Variants in LONRF1 observed in about 807,000 individuals in gnomAD.
LONRF1 encodes the protein LON peptidase N-terminal domain and RING finger protein 1.
In LONRF1, 37 loss-of-function variants were observed where a neutral mutation model predicts 85.8. The observed-to-expected ratio is 0.43, with a 90% CI of 0.33 to 0.57. The LOEUF (loss-of-function observed/expected upper bound fraction) is 0.57, where lower values mean the gene tolerates loss of function less well. LONRF1 is among the 20% of genes least tolerant of loss of function. The pLI is 0.04. For synonymous variants in LONRF1, 517 were observed against 390.1 expected, an observed-to-expected ratio of 1.33 and a Z score of -3.83; for missense variants, 1,036 against 978.0, an observed-to-expected ratio of 1.06 and a Z score of -0.79.
At chr8:12,740,596 C>T (rs374727870) in intron 3 of LONRF1, among the ~76,000 whole-genome samples, 2 of 152,122 alleles carry the variant, frequency 1.3e-5, no homozygotes, top group African/African-American at 2.4e-5. Context: ...GATAGTAATG[C>T]TTAATTAAGG....
intron 1 of LONRF1, chr8:12,754,454 G>A (rs1031242358): frequency 1.9e-5 from 7 of 360,038 alleles, no homozygotes; most frequent in South Asian, 1.4e-4. Flanking sequence ...AGGGAACCCC[G>A]CGCCGAGCGC....
chr8:12,753,285 T>A (rs192510246), intron 1 of LONRF1: 2 of 152,224 alleles, frequency 1.3e-5, no homozygotes, highest in African/African-American at 4.8e-5. Flanking sequence ...GACTAAGCAC[T>A]TGGGACAAAA....
intron 1 of LONRF1, chr8:12,754,404 C>CCGCGCCGGGAGCG (rs896668062): frequency 3.7e-6 from 1 of 268,702 alleles, no homozygotes; most frequent in Non-Finnish European, 6.9e-6. Context: ...GTCACCCACT[C>CCGCGCCGGGAGCG]CGCGCCGGGA....
intron 7 of LONRF1, among the ~76,000 whole-genome samples, chr8:12,733,856 A>G (rs1243800806): frequency 6.6e-6 from 1 of 152,232 alleles, no homozygotes; most frequent in Non-Finnish European, 1.5e-5. Context: ...AAGTATATGT[A>G]TTTTGAATTT....
At position 12,735,339 on chromosome 8, in the gene LONRF1, G is replaced by A; in HGVS notation, c.1513C>T (p.Arg505Cys). The change falls in exon 7 of 12, where the codon CGT becomes TGT. Residue 505 changes from arginine (R) to cysteine (C), a missense_variant. Coordinates refer to ENST00000398246, the MANE Select transcript of LONRF1 (RefSeq NM_152271.5). ...CAATATGGTGCATGATCTAAACAAC[G>A]CTCAAGACAATTCTTACAGAACGAA... ...GHSFCKNCLE[R>C]CLDHAPYCPL... 1 of 1,608,374 alleles carries A rather than the reference G, an allele frequency of 6.2e-7. No homozygotes were observed. The highest frequency in any genetic ancestry group is 8.5e-7 in the Non-Finnish European group (1 of 1,176,794).
At chr8:12,741,051 A>G (rs1275203560) in intron 2 of LONRF1, 55 bp from the exon 3 acceptor site, 3 of 1,589,266 alleles carry the variant, frequency 1.9e-6, no homozygotes, top group African/African-American at 2.7e-5. Context: ...TTTTTAAAAA[A>G]TCATTATCAA....
In LONRF1 at chr8:12,755,421, G is replaced by C; in HGVS notation, c.-1C>G. ...TCCTCGCCACCGCCGGAGAGGACAT[G>C]GCCCGCGGAGGGCTGCGCCGCCGCC... is the stretch of plus-strand genomic sequence containing the variant. On this transcript the variant is annotated 5_prime_UTR_variant, in exon 1 of 12. Transcript: ENST00000398246. 1.7e-6 allele frequency: 2 copies of C among 1,143,854 alleles called. No homozygotes were observed. The highest frequency in any genetic ancestry group is 2.1e-6 in the Non-Finnish European group (2 of 932,446). 70.9% of individuals were successfully genotyped at this position (1,143,854 alleles called of 1,614,324 possible).
intron 3 of LONRF1, among the ~76,000 whole-genome samples, 184 bp downstream of exon 3, chr8:12,740,690 G>A (rs576838273): frequency 9.9e-5 from 15 of 152,222 alleles, no homozygotes; most frequent in African/African-American, 3.4e-4. Flanking sequence ...GAAATGTTTC[G>A]ATTTCACTAA....
intron 2 of LONRF1, 117 bp from the exon 3 acceptor site, chr8:12,741,113 G>T: frequency 1.9e-6 from 2 of 1,076,302 alleles, no homozygotes; most frequent in Non-Finnish European, 2.7e-6. Flanking sequence ...GCCGGGTGCA[G>T]TAGCTCACGC....
At chr8:12,733,691 A>C (rs1415241700) in intron 7 of LONRF1, among the ~76,000 whole-genome samples, 1 of 152,118 alleles carries the variant, frequency 6.6e-6, no homozygotes, top group African/African-American at 2.4e-5. Context: ...AGAACAAGAA[A>C]CCTTATATAT....
intron 4 of LONRF1, among the ~76,000 whole-genome samples, chr8:12,737,686 G>C (rs1798773595): frequency 6.6e-6 from 1 of 152,074 alleles, no homozygotes; most frequent in Non-Finnish European, 1.5e-5. Flanking sequence ...GTTATAATGA[G>C]GTTTAAAAGT....
intron 1 of LONRF1, among the ~76,000 whole-genome samples, chr8:12,749,369 A>G (rs1212845510): frequency 6.6e-6 from 1 of 152,178 alleles, no homozygotes; most frequent in Non-Finnish European, 1.5e-5. Flanking sequence ...AAAAAACCAA[A>G]CAGAAGCTTC....
intron 1 of LONRF1, among the ~76,000 whole-genome samples, chr8:12,747,001 T>G (rs1202044619): frequency 6.6e-6 from 1 of 152,250 alleles, no homozygotes; most frequent in Non-Finnish European, 1.5e-5. Flanking sequence ...TTTATTAAAG[T>G]AATTTAATTC....
intron 11 of LONRF1, among the ~76,000 whole-genome samples, chr8:12,723,733 C>T (rs577122862): frequency 6.6e-6 from 1 of 152,326 alleles, no homozygotes; most frequent in South Asian, 2.1e-4. Flanking sequence ...GGGCAACATG[C>T]CCCTAGTTGA....
intron 6 of LONRF1, 26 bp from the exon 7 acceptor site, chr8:12,735,426 G>A (rs761131486): frequency 2.9e-5 from 41 of 1,412,300 alleles, no homozygotes; most frequent in Non-Finnish European, 4.1e-5. Flanking sequence ...ATACATGTTA[G>A]TTTTCACATT....
rs142730221 is a variant in LONRF1, at chr8:12,730,887, A to G, written c.1688+849T>C. The stretch of plus-strand genomic sequence containing the variant: ...TAGAAAGTGACATACAAAATGTTCA[A>G]TTTATATTTTGAAAATCAATGGAAA... On this transcript the variant is annotated intron_variant, in intron 8 of 11. Transcript: ENST00000398246. Among the ~76,000 whole-genome samples the G allele has an allele frequency of 5.3e-5, 8 of 152,352 alleles. No homozygotes were observed. The East Asian group carries it at 1.5e-3, about 29-fold the overall frequency.
chr8:12,731,665 G>A (rs944471272), intron 8 of LONRF1, 71 bp downstream of exon 8: 19 of 1,312,178 alleles, frequency 1.4e-5, no homozygotes, highest in Non-Finnish European at 2.0e-5. Context: ...ACAGGATCCA[G>A]CTTGCGGTGA....
At chr8:12,724,330 C>A (rs1250685003) in intron 11 of LONRF1, among the ~76,000 whole-genome samples, 1 of 152,208 alleles carries the variant, frequency 6.6e-6, no homozygotes, top group Non-Finnish European at 1.5e-5. Flanking sequence ...CCTTTCTCCA[C>A]TGCTGTAGAC....
chr8:12,733,671 T>C (rs940234763), intron 7 of LONRF1, among the ~76,000 whole-genome samples: 1 of 152,028 alleles, frequency 6.6e-6, no homozygotes, highest in African/African-American at 2.4e-5. Context: ...AAGCATAGTA[T>C]ATAAAAAAGA....
Sources: gnomAD v4.1 joint callset for allele counts (sites outside exome capture counted in the v4.1 genomes callset) on GRCh38, gnomAD v4.1.1 for gene constraint, MANE v1.5 for transcripts, NCBI Gene and HGNC (gene_info 2026-07-23, HGNC 2026-07-21) for gene names.